The following ARMH3 variants were observed in gnomAD, a reference collection of about 807,000 sequenced individuals.
ARMH3 encodes the protein armadillo-like helical domain-containing protein 3.
In ARMH3, 60 loss-of-function variants were observed where a neutral mutation model predicts 99.1. The observed-to-expected ratio is 0.61, with a 90% CI of 0.49 to 0.75. The LOEUF is 0.75. Among genes scored for constraint, ARMH3 ranks in the 30% least tolerant of loss-of-function variants. The pLI, the probability that ARMH3 is intolerant of heterozygous loss-of-function variation, is 0.00. For missense variants in ARMH3, 679 were observed against 843.1 expected, an observed-to-expected ratio of 0.81 and a Z score of 2.41; for synonymous variants, 285 against 292.8, an observed-to-expected ratio of 0.97 and a Z score of 0.27.
chr10:101,854,194 A>G lies in ARMH3; in HGVS notation c.1861-4302T>C, dbSNP rs1290043746. Among the ~76,000 whole-genome samples the G allele has an allele frequency of 5.9e-5, 9 of 152,296 alleles. No individual in the cohort carries two copies. In the South Asian group the frequency reaches 1.2e-3, roughly 21 times the overall value. On this transcript the variant is annotated intron_variant, in intron 24 of 25. Transcript: ENST00000370033. ...CAGACAATTCACCTAGCCTCTTGTT[A>G]TGGGACTTCAGACAATTCACCTAGC... is the stretch of plus-strand genomic sequence containing the variant.
At chr10:102,044,366 T>C (rs2067495253) in intron 1 of ARMH3, among the ~76,000 whole-genome samples, 1 of 150,662 alleles carries the variant, frequency 6.6e-6, no homozygotes, top group Non-Finnish European at 1.5e-5. Context: ...TGAGCCACCA[T>C]GCCCGGCCTT....
At chr10:102,009,489 G>A (rs1331742484) in intron 12 of ARMH3, 40 bp from the exon 13 acceptor site, 2 of 1,506,430 alleles carry the variant, frequency 1.3e-6, no homozygotes, top group Admixed American at 1.7e-5. Context: ...TTTTTATAGT[G>A]GGGGGAGTTA....
chr10:102,039,017 A>G (rs1305548079), intron 2 of ARMH3, among the ~76,000 whole-genome samples: 1 of 152,152 alleles, frequency 6.6e-6, no homozygotes, highest in Non-Finnish European at 1.5e-5. Context: ...CTAGGATTAC[A>G]GGCATGGGCC....
intron 23 of ARMH3, among the ~76,000 whole-genome samples, chr10:101,921,474 G>A (rs1041198049): frequency 2.0e-5 from 3 of 152,100 alleles, no homozygotes; most frequent in Non-Finnish European, 4.4e-5. Context: ...TTAGAATACC[G>A]CTACTGGGTA....
chr10:101,887,592 CTTTTTTT>C (rs34624064), intron 24 of ARMH3, among the ~76,000 whole-genome samples: 132 of 96,888 alleles, frequency 1.4e-3, no homozygotes, highest in African/African-American at 4.9e-3. Context: ...CTCTCTCTCT[CTTTTTTT>C]TTTTTTTTTT....
At chr10:102,024,018 G>C (rs1160688592) in intron 6 of ARMH3, among the ~76,000 whole-genome samples, 1 of 152,136 alleles carries the variant, frequency 6.6e-6, no homozygotes, top group East Asian at 1.9e-4. Context: ...CAGTTTCTTG[G>C]GTTTCATTCC....
chr10:101,857,284 G>A (rs1231574945), intron 24 of ARMH3, among the ~76,000 whole-genome samples: 6 of 152,014 alleles, frequency 3.9e-5, no homozygotes, highest in Non-Finnish European at 5.9e-5. Context: ...ATGGTGAAAC[G>A]CCATCTCTAC....
chr10:101,885,625 G>C (rs2067521316), intron 24 of ARMH3, among the ~76,000 whole-genome samples: 1 of 152,198 alleles, frequency 6.6e-6, no homozygotes, highest in South Asian at 2.1e-4. Context: ...TCAGGGTAGG[G>C]GAAATGGGGA....
At chr10:101,972,591 G>A (rs1362500842) in intron 20 of ARMH3, among the ~76,000 whole-genome samples, 1 of 152,204 alleles carries the variant, frequency 6.6e-6, no homozygotes, top group Admixed American at 6.5e-5. Flanking sequence ...ATCTGCCATA[G>A]ACACACTTGT....
intron 9 of ARMH3, among the ~76,000 whole-genome samples, chr10:102,013,507 A>C (rs2066676614): frequency 6.6e-6 from 1 of 152,218 alleles, no homozygotes; most frequent in South Asian, 2.1e-4. Flanking sequence ...TCCTCCCTAT[A>C]TTCAGAGATC....
intron 17 of ARMH3, among the ~76,000 whole-genome samples, chr10:101,992,436 AAGCAGCAACAGTAGT>A (rs1846842600): frequency 6.6e-6 from 1 of 152,184 alleles, no homozygotes; most frequent in Non-Finnish European, 1.5e-5. Flanking sequence ...CCACCTATAG[AAGCAGCAACAGTAGT>A]AGTTGCAAAA....
chr10:101,853,875 G>C (rs925186777), intron 24 of ARMH3, among the ~76,000 whole-genome samples: 2 of 152,210 alleles, frequency 1.3e-5, no homozygotes, highest in African/African-American at 4.8e-5. Context: ...AGCACTTTGG[G>C]AGGTCGAGGC....
At chr10:102,029,918 TTG>T (rs2067087739) in intron 4 of ARMH3, among the ~76,000 whole-genome samples, 173 bp from the exon 5 acceptor site, 1 of 151,590 alleles carries the variant, frequency 6.6e-6, no homozygotes, top group Admixed American at 6.6e-5. Flanking sequence ...TTCGGTTTTT[TTG>T]TTTGTTTGTT....
chr10:101,904,480 T>C (rs1312981701), intron 23 of ARMH3, among the ~76,000 whole-genome samples: 1 of 152,154 alleles, frequency 6.6e-6, no homozygotes, highest in African/African-American at 2.4e-5. Flanking sequence ...ACTAATTACT[T>C]TGACTTGTTA....
chr10:101,886,145 T>C (rs1222687134), intron 24 of ARMH3, among the ~76,000 whole-genome samples: 1 of 151,682 alleles, frequency 6.6e-6, no homozygotes, highest in African/African-American at 2.4e-5. Context: ...ATGAACAAGC[T>C]TCACAATTAA....
intron 15 of ARMH3, among the ~76,000 whole-genome samples, chr10:101,997,517 G>T (rs193046325): frequency 6.6e-6 from 1 of 151,328 alleles, no homozygotes; most frequent in African/African-American, 2.4e-5. Context: ...GCTTGAACCC[G>T]GGAGGCAGAG....
At chr10:101,994,363 G>T (rs768905097) in intron 16 of ARMH3, among the ~76,000 whole-genome samples, 1 of 152,170 alleles carries the variant, frequency 6.6e-6, no homozygotes, top group African/African-American at 2.4e-5. Context: ...TTGTGAAAAG[G>T]AGGTCATCTT....
intron 23 of ARMH3, among the ~76,000 whole-genome samples, chr10:101,911,013 G>A (rs994207849): frequency 5.3e-5 from 8 of 151,758 alleles, no homozygotes; most frequent in Non-Finnish European, 7.4e-5. Flanking sequence ...GGTGGCAGGC[G>A]CCTGTAATCC....
At chr10:101,950,901 T>C (rs1844753208) in intron 22 of ARMH3, among the ~76,000 whole-genome samples, 1 of 152,176 alleles carries the variant, frequency 6.6e-6, no homozygotes, top group South Asian at 2.1e-4. Flanking sequence ...TCTCTGACTA[T>C]AGTGAAACTC....
Sources: allele counts gnomAD v4.1 joint callset (sites outside exome capture counted in the v4.1 genomes callset), GRCh38; gene constraint gnomAD v4.1.1; transcripts MANE v1.5; gene names NCBI Gene and HGNC (gene_info 2026-07-23, HGNC 2026-07-21).